Variants in TASP1 observed in about 807,000 individuals in gnomAD.
TASP1 encodes the protein taspase 1, also known as threonine aspartase 1.
TASP1 carries 16 observed loss-of-function variants against 56.6 expected under a neutral mutation model. The ratio of observed to expected loss-of-function variants is 0.28; its 90% CI spans 0.19 to 0.43. The LOEUF (loss-of-function observed/expected upper bound fraction) is 0.43, where lower values mean the gene tolerates loss of function less well. Among genes scored for constraint, TASP1 ranks in the 20% least tolerant of loss-of-function variants. The pLI, the probability that TASP1 is intolerant of heterozygous loss-of-function variation, is 1.00. For missense variants in TASP1, 393 were observed against 511.6 expected (o/e 0.77, Z 2.24); for synonymous variants, 179 against 184.2 (o/e 0.97, Z 0.23).
chr20:13,562,853 G>T (rs1405492586), intron 7 of TASP1, among the ~76,000 whole-genome samples: 2 of 146,954 alleles, frequency 1.4e-5, no homozygotes, highest in Admixed American at 6.8e-5. Context: ...CTCCAGCCTG[G>T]TCAAGAGCAA....
the TASP1 span, among the ~76,000 whole-genome samples, chr20:13,275,130 C>A: frequency 9.8e-5 from 15 of 152,292 alleles, no homozygotes; most frequent in African/African-American, 3.6e-4. Flanking sequence ...AAAATATTCT[C>A]TTTTCTGGAT....
the TASP1 span, among the ~76,000 whole-genome samples, chr20:13,282,722 T>C: frequency 1.1e-4 from 16 of 152,352 alleles, no homozygotes; most frequent in African/African-American, 3.1e-4. Context: ...AGTCGTGTTC[T>C]GTGCAGTACC....
At chr20:13,177,972 T>C in the TASP1 span, among the ~76,000 whole-genome samples, 9 of 152,088 alleles carry the variant, frequency 5.9e-5, no homozygotes, top group African/African-American at 2.2e-4. Context: ...GGACAACCTA[T>C]AGAATGGGAG....
At chr20:13,604,889 CCA>C (rs1455929346) in intron 4 of TASP1, among the ~76,000 whole-genome samples, 1 of 151,608 alleles carries the variant, frequency 6.6e-6, no homozygotes, top group Admixed American at 6.6e-5. Context: ...CATACACTCA[CCA>C]CAGACTCAGC....
chr20:13,200,641 G>C, the TASP1 span, among the ~76,000 whole-genome samples: 1 of 152,180 alleles, frequency 6.6e-6, no homozygotes, highest in Non-Finnish European at 1.5e-5. Context: ...AATCCCATTT[G>C]TAATTTAAAA....
chr20:13,452,063 T>C (rs1367166759), intron 11 of TASP1, among the ~76,000 whole-genome samples: 1 of 152,082 alleles, frequency 6.6e-6, no homozygotes, highest in African/African-American at 2.4e-5. Context: ...TACAGTCTTT[T>C]ATGACCACAG....
chr20:13,541,302 T>C lies in TASP1; in HGVS notation c.676-7161A>G, dbSNP rs545921460. Reference sequence around the variant, plus strand: ...AGAAGGCTATAATTGGTTGGTATAATATCCTCAAAGAAAAGCAACTATAAA... The same window carrying C: ...AGAAGGCTATAATTGGTTGGTATAACATCCTCAAAGAAAAGCAACTATAAA... On this transcript the variant is annotated intron_variant, in intron 8 of 13. Coordinates refer to ENST00000337743, the MANE Select transcript of TASP1 (RefSeq NM_017714.3). Among the ~76,000 whole-genome samples, 687 of 150,406 alleles carry C rather than the reference T, an allele frequency of 4.6e-3. 3 individuals are homozygous for C. Among genetic ancestry groups the C allele is most frequent in the Non-Finnish European group, 7.7e-3 (520 of 67,948 alleles).
chr20:13,129,398 T>A, the TASP1 span, among the ~76,000 whole-genome samples: 1 of 152,242 alleles, frequency 6.6e-6, no homozygotes, highest in Admixed American at 6.5e-5. Context: ...GTTCTGGAAC[T>A]ACTGGCTTCC....
intron 4 of TASP1, among the ~76,000 whole-genome samples, chr20:13,589,827 A>G (rs1024462693): frequency 2.0e-5 from 3 of 152,262 alleles, no homozygotes; most frequent in Non-Finnish European, 4.4e-5. Context: ...AATAAGATAT[A>G]TAAATCAACA....
chr20:13,136,555 G>A, the TASP1 span, among the ~76,000 whole-genome samples: 2 of 150,770 alleles, frequency 1.3e-5, no homozygotes, highest in African/African-American at 2.4e-5. Flanking sequence ...AGATTAAATC[G>A]AACCACTGCA....
chr20:13,637,229 A>G (rs2049341599), intron 1 of TASP1, among the ~76,000 whole-genome samples: 1 of 152,218 alleles, frequency 6.6e-6, no homozygotes, highest in Admixed American at 6.5e-5. Context: ...TGCTATAACC[A>G]AAAAGAAAGA....
At chr20:13,407,019 G>A (rs2041952724) in intron 13 of TASP1, among the ~76,000 whole-genome samples, 1 of 152,044 alleles carries the variant, frequency 6.6e-6, no homozygotes, top group African/African-American at 2.4e-5. Context: ...GGAATCAAGA[G>A]GAACATATGG....
intron 11 of TASP1, among the ~76,000 whole-genome samples, chr20:13,457,750 T>A (rs1478991771): frequency 6.6e-6 from 1 of 152,194 alleles, no homozygotes; most frequent in Non-Finnish European, 1.5e-5. Flanking sequence ...TATCCAAATA[T>A]GCAGAAACAC....
the TASP1 span, chr20:13,126,860 C>T: frequency 5.1e-6 from 6 of 1,183,572 alleles, no homozygotes; most frequent in East Asian, 1.3e-4. Context: ...CACAAAACTG[C>T]CGTTAGCACA....
chr20:13,333,299 G>C, the TASP1 span, among the ~76,000 whole-genome samples: 18,110 of 152,228 alleles, frequency 0.12, 1,529 homozygotes, highest in Non-Finnish European at 0.18. Flanking sequence ...GTGACATTTT[G>C]AGATCATTAA....
the TASP1 span, among the ~76,000 whole-genome samples, chr20:13,246,129 C>T: frequency 2.0e-5 from 3 of 152,048 alleles, no homozygotes; most frequent in South Asian, 2.1e-4. Flanking sequence ...AAGAATTAGT[C>T]GGGCATGGTG....
chr20:13,227,749 C>T, the TASP1 span, among the ~76,000 whole-genome samples: 4 of 151,880 alleles, frequency 2.6e-5, no homozygotes, highest in Non-Finnish European at 5.9e-5. Flanking sequence ...ACCTCATGAT[C>T]CTCTCGCCTC....
At chr20:13,468,018 A>AAAAAACAAAAAC (rs151335556) in intron 11 of TASP1, among the ~76,000 whole-genome samples, 6 of 151,754 alleles carry the variant, frequency 4.0e-5, no homozygotes, top group Non-Finnish European at 8.8e-5. Flanking sequence ...CTCCATCTCA[A>AAAAAACAAAAAC]AAAAACAAAA....
chr20:13,636,140 CTTTTTTT>C (rs36048272), intron 1 of TASP1, among the ~76,000 whole-genome samples: 3 of 98,028 alleles, frequency 3.1e-5, no homozygotes, highest in African/African-American at 1.3e-4. Context: ...TGTGTTGTTG[CTTTTTTT>C]TTTTTTTTTT....
Sources: allele counts gnomAD v4.1 joint callset (sites outside exome capture counted in the v4.1 genomes callset), GRCh38; gene constraint gnomAD v4.1.1; transcripts MANE v1.5; gene names NCBI Gene and HGNC (gene_info 2026-07-23, HGNC 2026-07-21).